The following CEP192 variants were observed in gnomAD, a reference collection of about 807,000 sequenced individuals.
The protein encoded by CEP192 is centrosomal protein of 192 kDa.
CEP192 carries 151 observed loss-of-function variants against 271.8 expected under a neutral mutation model. That is an observed-to-expected ratio of 0.56 (90% CI 0.49 to 0.64). CEP192 has a LOEUF of 0.64. Among genes scored for constraint, CEP192 ranks in the 30% least tolerant of loss-of-function variants. The probability of loss-of-function intolerance (pLI) is 0.00; values close to 1 mark genes in which losing one functional copy is unlikely to be tolerated. For missense variants in CEP192, 2,910 were observed against 3,020.5 expected (o/e 0.96, Z 0.86); for synonymous variants, 995 against 1,076.5 (o/e 0.92, Z 1.48).
chr18:13,037,712 T>C (rs1288628301), intron 12 of CEP192, among the ~76,000 whole-genome samples: 1 of 152,162 alleles, frequency 6.6e-6, no homozygotes, highest in Non-Finnish European at 1.5e-5. Flanking sequence ...TGTGCTACCA[T>C]GCCTAGCTAT....
At chr18:13,123,204 A>G (rs1295987210) in intron 44 of CEP192, among the ~76,000 whole-genome samples, 2 of 152,222 alleles carry the variant, frequency 1.3e-5, no homozygotes, top group African/African-American at 4.8e-5. Flanking sequence ...AGTATTGACC[A>G]CCAACATGCA....
chr18:13,105,232 G>A (rs62095833), intron 40 of CEP192, among the ~76,000 whole-genome samples, 153 bp downstream of exon 40: 4 of 152,172 alleles, frequency 2.6e-5, no homozygotes, highest in African/African-American at 9.7e-5. Flanking sequence ...CTTACAATGC[G>A]CTGTAGCAGA....
chr18:13,051,645 G>A (rs1461456034), intron 17 of CEP192, among the ~76,000 whole-genome samples: 3 of 152,126 alleles, frequency 2.0e-5, no homozygotes, highest in South Asian at 2.1e-4. Context: ...CCAGGTTCAC[G>A]CCATTCTCCT....
At position 13,069,000 on chromosome 18, in the gene CEP192, A is replaced by T; in HGVS notation, c.4962+9A>T. The T allele has an allele frequency of 6.2e-7, 1 of 1,614,200 alleles. No individual in the cohort carries two copies. The highest frequency in any genetic ancestry group is 8.5e-7 in the Non-Finnish European group (1 of 1,180,020). On this transcript the variant is annotated intron_variant, in intron 25 of 44. Transcript: ENST00000506447. ...CTCCCAGGGACTTGCAGGTAGCCTC[A>T]GTCCTCCTTTCTGCCGTTACTGCTT...
intron 3 of CEP192, among the ~76,000 whole-genome samples, chr18:13,003,340 T>A (rs1255074957): frequency 1.3e-5 from 2 of 151,272 alleles, no homozygotes; most frequent in Middle Eastern, 3.2e-3. Context: ...TCCTAGCTAC[T>A]TGGGAGGCTG....
chr18:13,049,540 T>A lies in CEP192; in HGVS notation c.2749T>A (p.Ser917Thr), dbSNP rs1449984025. ...ATCAGTGAGGAACCCCAGAATAACA[T>A]CCCTTTGTCTGTTAAAAGACTGTGA... ...YSSVRNPRIT[S>T]LCLLKDCEEI... The change falls in exon 16 of 45, where the codon TCC (serine) becomes ACC (threonine). Residue 917 changes from serine to threonine, a missense_variant. By Grantham distance (58) the Ser-to-Thr change is moderately conservative. Coordinates refer to ENST00000506447, the MANE Select transcript of CEP192 (RefSeq NM_032142.4). 3 of 1,613,912 alleles carry A rather than the reference T, an allele frequency of 1.9e-6. No homozygotes were observed. The highest frequency in any genetic ancestry group is 2.5e-6 in the Non-Finnish European group (3 of 1,179,950).
chr18:13,103,541 A>C lies in CEP192; in HGVS notation c.6904A>C (p.Thr2302Pro). 2 of 1,614,016 alleles carry C rather than the reference A, an allele frequency of 1.2e-6. No homozygotes were observed. The highest frequency in any genetic ancestry group is 1.1e-5 in the South Asian group (1 of 91,080). The part of the protein sequence containing the change: ...SCLELENHGT[T>P]DVKWHLSSLA... ...TCTAGAACTCGAGAATCATGGCACC[A>C]CAGACGTGAAATGGCATCTGTCATC... is the stretch of plus-strand genomic sequence containing the variant. Residue 2302 changes from threonine to proline, a missense_variant, in exon 39 of 45, where the codon ACA becomes CCA. Transcript: ENST00000506447.
intron 28 of CEP192, among the ~76,000 whole-genome samples, chr18:13,072,124 G>T (rs1442377036): frequency 6.6e-6 from 1 of 152,198 alleles, no homozygotes; most frequent in Non-Finnish European, 1.5e-5. Context: ...GACCTCAGCT[G>T]CTGATTTATT....
At chr18:13,047,386 C>A (rs544206252) in intron 15 of CEP192, among the ~76,000 whole-genome samples, 3 of 152,234 alleles carry the variant, frequency 2.0e-5, no homozygotes, top group South Asian at 4.1e-4. Context: ...CACCTCCTAA[C>A]CCCCCAATGC....
intron 9 of CEP192, among the ~76,000 whole-genome samples, chr18:13,027,302 C>G (rs2035357589): frequency 6.6e-6 from 1 of 152,144 alleles, no homozygotes; most frequent in African/African-American, 2.4e-5. Flanking sequence ...CTTTCTCCTC[C>G]CCATACTGGA....
At chr18:13,018,178 A>G (rs2034772206) in intron 7 of CEP192, among the ~76,000 whole-genome samples, 1 of 152,132 alleles carries the variant, frequency 6.6e-6, no homozygotes, top group Non-Finnish European at 1.5e-5. Flanking sequence ...AATTTTGGCT[A>G]AGGTGATGTC....
Position 12,999,582 on chromosome 18 carries a change from A to T in CEP192, c.158A>T (p.Asp53Val). 6.5e-7 allele frequency: 1 copy of T among 1,530,128 alleles called. No individual in the cohort carries two copies. The highest frequency in any genetic ancestry group is 1.3e-5 in the South Asian group (1 of 79,286). The allele number at this position is 1,530,128 out of a possible 1,614,324, so 94.8% of individuals were successfully genotyped here. ...CTTGCTAGGGATAGATCCAGCACTG[A>T]TAACAGGTAAGATTTGTTTGAGCAG... Reference protein sequence around the residue: ...STLARDRSSTDNRYPDIQASY... With the variant: ...STLARDRSSTVNRYPDIQASY... Residue 53 changes from aspartate (D) to valine (V), a missense_variant, in exon 2 of 45, where the codon GAT becomes GTT. Transcript: ENST00000506447.
At chr18:13,114,366 C>A in intron 42 of CEP192, 115 bp downstream of exon 42, 2 of 1,074,092 alleles carry the variant, frequency 1.9e-6, no homozygotes, top group Non-Finnish European at 2.7e-6. Context: ...GCACTCCAAC[C>A]AAGATACAGA....
chr18:13,110,762 A>C (rs2040173081), intron 40 of CEP192, among the ~76,000 whole-genome samples: 2 of 152,246 alleles, frequency 1.3e-5, no homozygotes, highest in Admixed American at 6.5e-5. Flanking sequence ...GTCTGTGGCC[A>C]AACTGACTAT....
chr18:13,010,443 A>G (rs1049819775), intron 4 of CEP192, among the ~76,000 whole-genome samples: 1 of 152,212 alleles, frequency 6.6e-6, no homozygotes, highest in African/African-American at 2.4e-5. Context: ...TGTTATATAT[A>G]TGAAAGAAAA....
intron 36 of CEP192, among the ~76,000 whole-genome samples, chr18:13,099,175 A>AGGGAGGGGGAGG (rs201398502): frequency 9.7e-5 from 1 of 10,262 alleles, no homozygotes; most frequent in South Asian, 2.7e-3. Context: ...CCATGGGGAG[A>AGGGAGGGGGAGG]GGGAGGGGGA....
chr18:13,116,571 C>A, intron 43 of CEP192, 68 bp downstream of exon 43: 1 of 1,400,306 alleles, frequency 7.1e-7, no homozygotes, highest in Non-Finnish European at 9.8e-7. Flanking sequence ...CAAACATTTT[C>A]CTGATGATTC....
chr18:13,072,429 T>G (rs995981488), intron 28 of CEP192, among the ~76,000 whole-genome samples: 1 of 152,222 alleles, frequency 6.6e-6, no homozygotes, highest in African/African-American at 2.4e-5. Context: ...ACTTAATGAC[T>G]CGATGAATTT....
chr18:13,081,855 G>A lies in CEP192; in HGVS notation c.5617-5162G>A, dbSNP rs112191362. Among the ~76,000 whole-genome samples, 219 of 152,256 alleles carry A rather than the reference G, an allele frequency of 1.4e-3. 1 individual carries two copies. In the Middle Eastern group the frequency reaches 0.02, roughly 14 times the overall value. ...ACATCTTTATTTCTGCCTTCATTTTGTTATTTACCCAGTAGTCATTCAGGA... is the reference window on the plus strand; with the variant it reads ...ACATCTTTATTTCTGCCTTCATTTTATTATTTACCCAGTAGTCATTCAGGA... On this transcript the variant is annotated intron_variant, in intron 30 of 44. Coordinates refer to ENST00000506447, the MANE Select transcript of CEP192 (RefSeq NM_032142.4).
Sources: allele counts gnomAD v4.1 joint callset (sites outside exome capture counted in the v4.1 genomes callset), GRCh38; gene constraint gnomAD v4.1.1; transcripts MANE v1.5; gene names NCBI Gene and HGNC (gene_info 2026-07-23, HGNC 2026-07-21).